ADAMTSL3: variants seen among roughly 807,000 people sequenced by gnomAD.
The protein encoded by ADAMTSL3 is ADAMTS-like protein 3.
In ADAMTSL3, 128 loss-of-function variants were observed where a neutral mutation model predicts 201.7. The ratio of observed to expected loss-of-function variants is 0.63; its 90% CI spans 0.55 to 0.73. The LOEUF (loss-of-function observed/expected upper bound fraction) is 0.73, where lower values mean the gene tolerates loss of function less well. Ranked by LOEUF, ADAMTSL3 falls within the 30% of genes least tolerant of loss-of-function variation. ADAMTSL3 has a pLI of 0.00. For synonymous variants in ADAMTSL3, 738 were observed against 748.4 expected (o/e 0.99, Z 0.23); for missense variants, 1,990 against 2,119.6 (o/e 0.94, Z 1.20).
In ADAMTSL3 at chr15:84,035,387, G is replaced by C. The variant is rs990093958; in HGVS notation, c.4755-1386G>C. Among the ~76,000 whole-genome samples, 2 of 152,126 alleles carry C rather than the reference G, an allele frequency of 1.3e-5. 1 individual carries two copies. On this transcript the variant is annotated intron_variant, in intron 28 of 29. Coordinates refer to ENST00000286744, the MANE Select transcript of ADAMTSL3 (RefSeq NM_207517.3). ...TTTGTTCAAGTTTCTTCAGTGGAAG[G>C]CTGATCTCTATATAGGGATGGTTGA...
intron 23 of ADAMTSL3, among the ~76,000 whole-genome samples, chr15:84,011,812 A>G (rs2068011305): frequency 6.6e-6 from 1 of 152,238 alleles, no homozygotes; most frequent in Non-Finnish European, 1.5e-5. Flanking sequence ...ATAAACAACT[A>G]TGAAATACAT....
intron 22 of ADAMTSL3, among the ~76,000 whole-genome samples, chr15:83,990,390 T>G (rs1224293761): frequency 6.6e-6 from 1 of 152,242 alleles, no homozygotes; most frequent in Admixed American, 6.5e-5. Flanking sequence ...AAAATGCCTG[T>G]GTACATCTCC....
Position 83,850,028 on chromosome 15 carries a change from AT to A in ADAMTSL3, c.728-8737del, listed in dbSNP as rs111269654. Among the ~76,000 whole-genome samples the A allele has an allele frequency of 7.6e-3, 1,151 of 152,266 alleles. 10 individuals carry two copies. The highest frequency in any genetic ancestry group is 0.026 in the African/African-American group (1,065 of 41,566). ...TAACAGAACATTGCATGGTGAGGAA[AT>A]ATACCTTCTTTTCAAACATTTATGC... is the stretch of plus-strand genomic sequence containing the variant. On this transcript the variant is annotated intron_variant, in intron 7 of 29. Transcript: ENST00000286744.
intron 3 of ADAMTSL3, among the ~76,000 whole-genome samples, chr15:83,756,415 A>T (rs1213413772): frequency 6.6e-6 from 1 of 152,112 alleles, no homozygotes; most frequent in African/African-American, 2.4e-5. Context: ...GTGCAGGGGT[A>T]CTCCCTTTTA....
chr15:83,659,435 C>T (rs1331260198), intron 2 of ADAMTSL3, among the ~76,000 whole-genome samples: 1 of 152,130 alleles, frequency 6.6e-6, no homozygotes, highest in Non-Finnish European at 1.5e-5. Flanking sequence ...TTTTCTGATC[C>T]TGAGGCTGGA....
chr15:83,889,640 G>A (rs939809044), intron 10 of ADAMTSL3, among the ~76,000 whole-genome samples: 7 of 152,078 alleles, frequency 4.6e-5, no homozygotes, highest in Non-Finnish European at 8.8e-5. Context: ...GAGATTATAC[G>A]GAAATGAGAG....
At chr15:83,881,027 G>A (rs1173149884) in intron 9 of ADAMTSL3, among the ~76,000 whole-genome samples, 2 of 151,954 alleles carry the variant, frequency 1.3e-5, no homozygotes, top group African/African-American at 4.8e-5. Context: ...TGAGATTGTT[G>A]CAGATTTATT....
At position 84,003,393 on chromosome 15, in the gene ADAMTSL3, G is replaced by A. The variant is rs1208707211; in HGVS notation, c.3974-11149G>A. 3.3e-5 allele frequency among the ~76,000 whole-genome samples: 5 copies of A among 152,294 alleles called. No homozygotes were observed. The East Asian group carries it at 9.6e-4, about 29-fold the overall frequency. ...AAACACCTGTACAATCCACAGGGCA[G>A]GAGCCTCGTATCCTCCTCTGCTCTT... is the stretch of plus-strand genomic sequence containing the variant. On this transcript the variant is annotated intron_variant, in intron 23 of 29. Transcript: ENST00000286744.
intron 23 of ADAMTSL3, among the ~76,000 whole-genome samples, chr15:84,002,788 T>C (rs2067815968): frequency 6.6e-6 from 1 of 152,200 alleles, no homozygotes; most frequent in South Asian, 2.1e-4. Flanking sequence ...GTTCTGATAC[T>C]AATGTTTGAA....
intron 3 of ADAMTSL3, among the ~76,000 whole-genome samples, chr15:83,744,010 C>A (rs2062501685): frequency 6.6e-6 from 1 of 151,960 alleles, no homozygotes; most frequent in African/African-American, 2.4e-5. Flanking sequence ...GCCACCACTC[C>A]CGGCTAATTT....
chr15:83,829,504 GT>G (rs1190025320), intron 6 of ADAMTSL3, among the ~76,000 whole-genome samples: 3 of 152,066 alleles, frequency 2.0e-5, no homozygotes, highest in South Asian at 2.1e-4. Context: ...TTTTTTGAAG[GT>G]TTTTTTATGT....
Position 83,897,945 on chromosome 15 carries a change from C to T in ADAMTSL3, c.1555C>T (p.Gln519Ter), listed in dbSNP as rs746982965. The T allele has an allele frequency of 1.9e-6, 3 of 1,613,994 alleles. No individual in the cohort carries two copies. Among genetic ancestry groups the T allele is most frequent in the Non-Finnish European group, 8.5e-7 (1 of 1,179,888 alleles). Residue 519 changes from glutamine to a stop codon, truncating the protein, a stop_gained, in exon 14 of 30, where the codon CAA becomes TAA. Coordinates refer to ENST00000286744, the MANE Select transcript of ADAMTSL3 (RefSeq NM_207517.3). LOFTEE classifies it high-confidence loss of function. ...RGEHVGGCNP[Q>*]LKLHIKEECV... is the part of the protein sequence containing the mutation. ...AGAGCATGTTGGGGGCTGCAATCCA[C>T]AACTGAAGTTACACATCAAAGAAGA...
chr15:83,739,401 T>C (rs1014821018), intron 3 of ADAMTSL3, among the ~76,000 whole-genome samples: 1 of 150,318 alleles, frequency 6.7e-6, no homozygotes, highest in Non-Finnish European at 1.5e-5. Context: ...ATTCCATACC[T>C]GATGTCATGT....
chr15:83,824,238 G>A (rs908200647), intron 6 of ADAMTSL3, among the ~76,000 whole-genome samples: 2 of 151,530 alleles, frequency 1.3e-5, no homozygotes, highest in East Asian at 1.9e-4. Context: ...GTAGAGATGG[G>A]GGTCTCGCTA....
chr15:83,751,447 G>T (rs1205682488), intron 3 of ADAMTSL3, among the ~76,000 whole-genome samples: 2 of 152,146 alleles, frequency 1.3e-5, no homozygotes, highest in African/African-American at 4.8e-5. Context: ...CTTGTTGGCT[G>T]CTCTGGGTCA....
chr15:83,746,687 A>G (rs1486223864), intron 3 of ADAMTSL3, among the ~76,000 whole-genome samples: 1 of 152,098 alleles, frequency 6.6e-6, no homozygotes, highest in Non-Finnish European at 1.5e-5. Flanking sequence ...TCGGGTTGGA[A>G]GTAGTTTCTG....
chr15:83,668,324 A>G (rs957740528), intron 2 of ADAMTSL3, among the ~76,000 whole-genome samples: 1 of 151,828 alleles, frequency 6.6e-6, no homozygotes, highest in Non-Finnish European at 1.5e-5. Context: ...CATTGTAAAT[A>G]TTGATTCTGT....
At chr15:84,031,473 C>G in intron 28 of ADAMTSL3, 41 bp downstream of exon 28, 1 of 1,532,702 alleles carries the variant, frequency 6.5e-7, no homozygotes, top group Non-Finnish European at 9.0e-7. Context: ...TCTCTCCTGA[C>G]TCACTCAGGA....
chr15:84,026,995 T>C (rs894389418), intron 27 of ADAMTSL3, among the ~76,000 whole-genome samples: 3 of 152,156 alleles, frequency 2.0e-5, no homozygotes, highest in Non-Finnish European at 4.4e-5. Context: ...ACCTATAGAA[T>C]GGGAGAAAAT....
Sources: allele counts gnomAD v4.1 joint callset (sites outside exome capture counted in the v4.1 genomes callset), GRCh38; gene constraint gnomAD v4.1.1; transcripts MANE v1.5; gene names NCBI Gene and HGNC (gene_info 2026-07-23, HGNC 2026-07-21).